ARFGAP1: variants seen among roughly 807,000 people sequenced by gnomAD.
The protein encoded by ARFGAP1 is ADP-ribosylation factor GTPase-activating protein 1.
ARFGAP1 carries 26 observed loss-of-function variants against 54.0 expected under a neutral mutation model. The ratio of observed to expected loss-of-function variants is 0.48; its 90% CI spans 0.35 to 0.67. The LOEUF (loss-of-function observed/expected upper bound fraction) is 0.67. ARFGAP1 is among the 30% of genes least tolerant of loss of function. The pLI is 0.00. For synonymous variants in ARFGAP1, 248 were observed against 211.9 expected, an observed-to-expected ratio of 1.17 and a Z score of -1.48; for missense variants, 525 against 535.8, an observed-to-expected ratio of 0.98 and a Z score of 0.20.
At chr20:63,281,236 C>G (rs1027964040) in intron 7 of ARFGAP1, 55 bp from the exon 8 acceptor site, 1 of 1,541,030 alleles carries the variant, frequency 6.5e-7, no homozygotes, top group African/African-American at 1.4e-5. Context: ...CTCTGCTCAG[C>G]GCCGGGTTCC....
chr20:63,282,938 C>A, intron 9 of ARFGAP1, 87 bp downstream of exon 9: 1 of 1,449,296 alleles, frequency 6.9e-7, no homozygotes, highest in South Asian at 1.1e-5. Flanking sequence ...CTGCCTGGTT[C>A]CCTCTTCTCA....
rs112088263 is a variant in ARFGAP1, at chr20:63,277,967, T to C, written c.444-150T>C. The C allele has an allele frequency of 1.6e-4, 105 of 651,342 alleles. No individual in the cohort carries two copies. The African/African-American group carries it at 1.7e-3, about 11-fold the overall frequency. The allele number at this position is 651,342 out of a possible 1,614,324, so 40.3% of individuals were successfully genotyped here. A position where few individuals can be genotyped will look rare whatever the true frequency, so the allele number is the denominator to read the frequency against. ...TCAGCACCTGAGCCCGAGCAGCCAC[T>C]CAGAGCTGAAGGCCACCCTGGCCTC... On this transcript the variant is annotated intron_variant, in intron 5 of 12. Transcript: ENST00000370283.
intron 2 of ARFGAP1, 136 bp from the exon 3 acceptor site, chr20:63,275,955 C>T (rs1175936933): frequency 2.5e-5 from 19 of 747,990 alleles, no homozygotes; most frequent in Non-Finnish European, 4.2e-5. Context: ...TTTCCCCTCA[C>T]GCCTTGCCCT....
chr20:63,287,447 T>C (rs4809520), intron 12 of ARFGAP1, 117 bp from the exon 13 acceptor site: 63,920 of 963,384 alleles, frequency 0.066, 2,494 homozygotes, highest in Middle Eastern at 0.08. Context: ...CTGTGGACCC[T>C]GAGCGCTGGC....
At position 63,274,550 on chromosome 20, in the gene ARFGAP1, C is replaced by G. The variant is rs114062597; in HGVS notation, c.-4-1027C>G. On this transcript the variant is annotated intron_variant, in intron 1 of 12. Coordinates refer to ENST00000370283, the MANE Select transcript of ARFGAP1 (RefSeq NM_018209.4). ...TGGCTTACAGAGTTCAGCGTGTTCTCTGTGTAGTGAGAGGTAGAGGGAACA... is the reference window on the plus strand; with the variant it reads ...TGGCTTACAGAGTTCAGCGTGTTCTGTGTGTAGTGAGAGGTAGAGGGAACA... Among the ~76,000 whole-genome samples the G allele has an allele frequency of 3.1e-3, 464 of 152,096 alleles. 5 individuals are homozygous for G. Among genetic ancestry groups the G allele is most frequent in the African/African-American group, 9.8e-3 (406 of 41,506 alleles).
intron 9 of ARFGAP1, chr20:63,284,183 G>A: frequency 3.1e-6 from 4 of 1,303,762 alleles, no homozygotes; most frequent in East Asian, 3.2e-5. Flanking sequence ...AGGTGCTGGA[G>A]GGAGGGCGGG....
At position 63,275,652 on chromosome 20, in the gene ARFGAP1, C is replaced by T. The variant is rs772200321; in HGVS notation, c.60+12C>T. On this transcript the variant is annotated intron_variant, in intron 2 of 12. Coordinates refer to ENST00000370283, the MANE Select transcript of ARFGAP1 (RefSeq NM_018209.4). ...AGGATGAGAACAACGTAAGCCTCTG[C>T]CCCCCACCCCCCGCCCTAAGGCTTG... 26 of 1,611,482 alleles carry T rather than the reference C, an allele frequency of 1.6e-5. No homozygotes were observed. The highest frequency in any genetic ancestry group is 2.2e-5 in the East Asian group (1 of 44,876).
chr20:63,286,483 TGCCTTG>T (rs762405787), intron 12 of ARFGAP1, 41 bp downstream of exon 12: 1 of 1,583,808 alleles, frequency 6.3e-7, no homozygotes, highest in East Asian at 2.3e-5. Context: ...CCCACTCCCC[TGCCTTG>T]GCCACTCCTC....
In ARFGAP1 at chr20:63,276,752, T is replaced by G; in HGVS notation, c.342+101T>G. 1 of 1,356,208 alleles carries G rather than the reference T, an allele frequency of 7.4e-7. No homozygotes were observed. The highest frequency in any genetic ancestry group is 9.9e-7 in the Non-Finnish European group (1 of 1,012,618). The allele number at this position is 1,356,208 out of a possible 1,614,324, so 84.0% of individuals were successfully genotyped here. A position where few individuals can be genotyped will look rare whatever the true frequency, so the allele number is the denominator to read the frequency against. Reference sequence around the variant, plus strand: ...TTAGTGGTTCTGGAGTCGGTTCTTCTGCTGGTTCTGACACACCCACTGGGC... The same window carrying G: ...TTAGTGGTTCTGGAGTCGGTTCTTCGGCTGGTTCTGACACACCCACTGGGC... On this transcript the variant is annotated intron_variant, in intron 4 of 12. Coordinates refer to ENST00000370283, the MANE Select transcript of ARFGAP1 (RefSeq NM_018209.4). This position sits in a 1 kb window ranked among gnomAD's most constrained non-coding sequence, Gnocchi z 5.2.
Position 63,276,215 on chromosome 20 carries a change from G to T in ARFGAP1, c.170+15G>T, listed in dbSNP as rs201981792. The T allele has an allele frequency of 7.4e-6, 12 of 1,612,334 alleles. No homozygotes were observed. In the East Asian group the frequency reaches 2.5e-4, roughly 33 times the overall value. On this transcript the variant is annotated intron_variant, in intron 3 of 12. Coordinates refer to ENST00000370283, the MANE Select transcript of ARFGAP1 (RefSeq NM_018209.4). This position sits in a 1 kb window ranked among gnomAD's most constrained non-coding sequence, Gnocchi z 5.2. ...GTTCACCTCAGGTCAGTGTCCTGCC[G>T]CTCTGGCTCTGCGGAGAGCCTGCGG...
chr20:63,279,502 G>A (rs1273419747), intron 7 of ARFGAP1, among the ~76,000 whole-genome samples: 1 of 152,074 alleles, frequency 6.6e-6, no homozygotes, highest in African/African-American at 2.4e-5. Flanking sequence ...CACCGTGCCC[G>A]GCCATCACTT....
chr20:63,287,685 A>C lies in ARFGAP1; in HGVS notation c.1033A>C (p.Ser345Arg). The C allele has an allele frequency of 6.2e-7, 1 of 1,612,322 alleles. No individual in the cohort carries two copies. Among genetic ancestry groups the C allele is most frequent in the Non-Finnish European group, 8.5e-7 (1 of 1,179,852 alleles). The change falls in exon 13 of 13, where the codon AGC (serine) becomes CGC (arginine). Residue 345 changes from serine (S) to arginine (R), a missense_variant. Ser to Arg is a moderately radical substitution (Grantham distance 110). This residue lies in a region of ARFGAP1 where 466 missense variants were observed against 453.6 expected (regional missense o/e 1.03). Transcript: ENST00000370283. ...GCCCACCAAGACCCGCAAGTCCCCG[A>C]GCAGCGACAGCTGGACGTGCGCGGA... ...AEPTKTRKSPSSDSWTCADTS... is the reference protein window; with the variant it reads ...AEPTKTRKSPRSDSWTCADTS...
At chr20:63,284,352 C>T in intron 9 of ARFGAP1, 2 of 1,071,736 alleles carry the variant, frequency 1.9e-6, no homozygotes, top group Non-Finnish European at 2.3e-6. Context: ...GGCCTCACAC[C>T]ACATCCCCAG....
Position 63,276,609 on chromosome 20 carries a change from G to A in ARFGAP1, c.300G>A (p.Gln100=). Residue 100 remains glutamine, a synonymous_variant, in exon 4 of 13, where the codon CAG becomes CAA. Transcript: ENST00000370283. The surrounding 1 kb of genome is among the most constrained non-coding windows in gnomAD (Gnocchi z 5.2). Reference sequence around the variant, plus strand: ...ATTACGATCCTTGCTGGTCCTTGCAGGAGAAGTACAACAGCAGAGCCGCGG... The same window carrying A: ...ATTACGATCCTTGCTGGTCCTTGCAAGAGAAGTACAACAGCAGAGCCGCGG... ...QEDYDPCWSL[Q]EKYNSRAAAL... is the part of the protein sequence containing the mutation. 1.9e-6 allele frequency: 3 copies of A among 1,613,856 alleles called. No homozygotes were observed. Among genetic ancestry groups the A allele is most frequent in the Non-Finnish European group, 2.5e-6 (3 of 1,179,948 alleles).
intron 9 of ARFGAP1, chr20:63,283,611 G>A (rs554315479): frequency 6.1e-5 from 30 of 491,702 alleles, no homozygotes; most frequent in East Asian, 3.7e-4. Flanking sequence ...CTGCAGGGAC[G>A]CCCATCTGGC....
chr20:63,285,898 A>G (rs2067522696), intron 11 of ARFGAP1, 185 bp downstream of exon 11: 4 of 1,441,370 alleles, frequency 2.8e-6, no homozygotes, highest in East Asian at 2.5e-5. Flanking sequence ...AACTTGGCCC[A>G]CTGCGGCCCG....
Position 63,280,067 on chromosome 20 carries a change from G to A in ARFGAP1, c.627+1072G>A, listed in dbSNP as rs551847799. Among the ~76,000 whole-genome samples the A allele has an allele frequency of 1.5e-4, 23 of 152,266 alleles. No homozygotes were observed. In the East Asian group the frequency reaches 3.1e-3, roughly 20 times the overall value. Reference sequence around the variant, plus strand: ...TGAGGCAGGAGAATTGCTTGAACCCGGGAGGCGGAGGTTGCAGAGAGCCGA... The same window carrying A: ...TGAGGCAGGAGAATTGCTTGAACCCAGGAGGCGGAGGTTGCAGAGAGCCGA... On this transcript the variant is annotated intron_variant, in intron 7 of 12. Transcript: ENST00000370283.
Position 63,276,145 on chromosome 20 carries a change from A to T in ARFGAP1, c.115A>T (p.Ile39Phe), listed in dbSNP as rs760189422. ...TCAGTGGGTCAGTGTGACCTACGGC[A>T]TCTGGATCTGCCTGGAGTGCTCGGG... ...NPQWVSVTYG[I>F]WICLECSGRH... Residue 39 changes from isoleucine (I) to phenylalanine (F), a missense_variant, in exon 3 of 13, where the codon ATC becomes TTC. Ile to Phe is a conservative substitution (Grantham distance 21). Coordinates refer to ENST00000370283, the MANE Select transcript of ARFGAP1 (RefSeq NM_018209.4). The surrounding 1 kb of genome is among the most constrained non-coding windows in gnomAD (Gnocchi z 5.2). 1 of 1,613,996 alleles carries T rather than the reference A, an allele frequency of 6.2e-7. No homozygotes were observed. The highest frequency in any genetic ancestry group is 8.5e-7 in the Non-Finnish European group (1 of 1,180,016).
At chr20:63,274,161 G>A (rs2067172462) in intron 1 of ARFGAP1, 1 of 152,232 alleles carries the variant, frequency 6.6e-6, no homozygotes, top group East Asian at 1.9e-4. Flanking sequence ...GGAGCAGAAG[G>A]GAGCCCAGGG....
Sources: gnomAD v4.1 joint callset for allele counts (sites outside exome capture counted in the v4.1 genomes callset) on GRCh38, gnomAD v4.1.1 for gene constraint, gnomAD v4.1.1 regional missense constraint, Gnocchi (gnomAD v3.1) non-coding constraint, MANE v1.5 for transcripts, NCBI Gene and HGNC (gene_info 2026-07-23, HGNC 2026-07-21) for gene names.